Variants in FOXN3 observed in about 807,000 individuals in gnomAD.
The protein encoded by FOXN3 is forkhead box N3.
In FOXN3, 7 loss-of-function variants were observed where a neutral mutation model predicts 38.4. The observed-to-expected ratio is 0.18, with a 90% CI of 0.10 to 0.34. The LOEUF is 0.34. Among genes scored for constraint, FOXN3 ranks in the 10% least tolerant of loss-of-function variants. FOXN3 has a pLI of 1.00. For synonymous variants in FOXN3, 230 were observed against 242.2 expected (o/e 0.95, Z 0.47); for missense variants, 456 against 613.4 (o/e 0.74, Z 2.71).
Position 89,163,038 on chromosome 14 carries a change from G to A in FOXN3, c.852-69C>T. ...GACACAGTTAGACGTCCTCAGATGG[G>A]GGCACCCGGCAGCCCGCCTGCATTC... On this transcript the variant is annotated intron_variant, in intron 5 of 5. Transcript: ENST00000557258. The surrounding 1 kb of genome is among the most constrained non-coding windows in gnomAD (Gnocchi z 4.3). The A allele has an allele frequency of 4.3e-6, 6 of 1,402,796 alleles. No homozygotes were observed. Among genetic ancestry groups the A allele is most frequent in the Non-Finnish European group, 4.7e-6 (5 of 1,065,646 alleles). The allele number at this position is 1,402,796 out of a possible 1,614,324, so 86.9% of individuals were successfully genotyped here. A position where few individuals can be genotyped will look rare whatever the true frequency, so the allele number is the denominator to read the frequency against.
At chr14:89,501,762 C>T (rs1385097898) in intron 1 of FOXN3, among the ~76,000 whole-genome samples, 1 of 152,118 alleles carries the variant, frequency 6.6e-6, no homozygotes, top group Non-Finnish European at 1.5e-5. Context: ...GCAGGAGAAT[C>T]GCTTGAACCT....
At chr14:89,235,777 G>A (rs371370157) in intron 4 of FOXN3, among the ~76,000 whole-genome samples, 3 of 152,208 alleles carry the variant, frequency 2.0e-5, no homozygotes, top group African/African-American at 7.2e-5. Flanking sequence ...TGAAGATGGA[G>A]GATGGGGCCA....
chr14:89,598,596 T>C (rs1896102575), intron 1 of FOXN3, among the ~76,000 whole-genome samples: 1 of 152,194 alleles, frequency 6.6e-6, no homozygotes, highest in African/African-American at 2.4e-5. Context: ...CATGATAAGT[T>C]TTTAATATCT....
intron 1 of FOXN3, among the ~76,000 whole-genome samples, chr14:89,590,549 A>C (rs1398201731): frequency 3.3e-5 from 5 of 152,188 alleles, no homozygotes; most frequent in Non-Finnish European, 7.3e-5. Flanking sequence ...GTGGGAATTT[A>C]GTTAGACTAG....
At chr14:89,422,548 C>A (rs1490639015) in intron 1 of FOXN3, among the ~76,000 whole-genome samples, 1 of 152,188 alleles carries the variant, frequency 6.6e-6, no homozygotes, top group African/African-American at 2.4e-5. Context: ...GACTAAGAGT[C>A]TCTTTGAGAT....
At chr14:89,363,437 C>T (rs1226927572) in intron 2 of FOXN3, among the ~76,000 whole-genome samples, 1 of 152,242 alleles carries the variant, frequency 6.6e-6, no homozygotes, top group African/African-American at 2.4e-5. Context: ...TGGAAAGAAT[C>T]CCCACATGTA....
chr14:89,328,442 G>A (rs1274550482), intron 3 of FOXN3, among the ~76,000 whole-genome samples: 2 of 151,726 alleles, frequency 1.3e-5, no homozygotes, highest in East Asian at 3.9e-4. Flanking sequence ...TGGGTAAAGA[G>A]ACATTCCCAA....
chr14:89,338,744 G>A (rs1233903268), intron 3 of FOXN3, among the ~76,000 whole-genome samples: 5 of 152,158 alleles, frequency 3.3e-5, no homozygotes, highest in Non-Finnish European at 7.3e-5. Flanking sequence ...GCATGGAGGA[G>A]GCTGCAGTGA....
chr14:89,576,512 C>T (rs1895622453), intron 1 of FOXN3: 1 of 148,080 alleles, frequency 6.8e-6, no homozygotes, highest in Non-Finnish European at 1.5e-5. Flanking sequence ...AAATGTATCA[C>T]CTTTGTCAGA....
intron 3 of FOXN3, among the ~76,000 whole-genome samples, chr14:89,324,112 C>A (rs1887974176): frequency 1.3e-5 from 2 of 152,170 alleles, no homozygotes; most frequent in Non-Finnish European, 2.9e-5. Context: ...TGAAAAGTAT[C>A]CACCAAAATA....
At chr14:89,540,387 A>AT (rs1196371703) in intron 1 of FOXN3, among the ~76,000 whole-genome samples, 6 of 152,244 alleles carry the variant, frequency 3.9e-5, no homozygotes, top group South Asian at 2.1e-4. Context: ...GTTTGATAGC[A>AT]TTTTTTTAAA....
At chr14:89,584,998 G>A (rs1205647920) in intron 1 of FOXN3, among the ~76,000 whole-genome samples, 1 of 152,190 alleles carries the variant, frequency 6.6e-6, no homozygotes, top group Non-Finnish European at 1.5e-5. Flanking sequence ...TTACAGGCGT[G>A]AGCCACCGTG....
intron 1 of FOXN3, among the ~76,000 whole-genome samples, chr14:89,507,808 C>G (rs1222361912): frequency 6.6e-6 from 1 of 151,610 alleles, no homozygotes; most frequent in African/African-American, 2.4e-5. Context: ...AAAAGGCACA[C>G]TAGTATGTAG....
intron 2 of FOXN3, among the ~76,000 whole-genome samples, chr14:89,362,171 GCACCACCTCCAC>G (rs1596223266): frequency 1.2e-4 from 1 of 8,308 alleles, no homozygotes; most frequent in South Asian, 8.5e-3. Context: ...ACCACCTCCA[GCACCACCTCCAC>G]CACCACCTCC....
intron 1 of FOXN3, among the ~76,000 whole-genome samples, chr14:89,505,449 AT>A (rs1323910400): frequency 6.6e-6 from 1 of 151,806 alleles, no homozygotes; most frequent in African/African-American, 2.4e-5. Context: ...TGGTTTTCGT[AT>A]TTTTTTGGTG....
In FOXN3 at chr14:89,333,966, GTA is replaced by G. The variant is rs71130055; in HGVS notation, c.680+16704_680+16705del. ...TAAATTAATGAAGAAAATGTGGTGT[GTA>G]TATATATATATATATATATATATAT... On this transcript the variant is annotated intron_variant, in intron 3 of 5. Coordinates refer to ENST00000557258, the MANE Select transcript of FOXN3 (RefSeq NM_005197.4). Among the ~76,000 whole-genome samples the G allele has an allele frequency of 8.0e-3, 1,047 of 131,494 alleles. 39 individuals are homozygous for G. Among genetic ancestry groups the G allele is most frequent in the African/African-American group, 0.028 (944 of 34,206 alleles). The allele number at this position is 131,494 out of a possible 152,430, so 86.3% of individuals were successfully genotyped here.
intron 1 of FOXN3, among the ~76,000 whole-genome samples, chr14:89,570,868 C>T (rs1004003000): frequency 1.2e-4 from 19 of 152,092 alleles, no homozygotes; most frequent in Non-Finnish European, 1.0e-4. Context: ...ACCATGGTAG[C>T]GATGCCCCAT....
At chr14:89,550,990 A>C (rs922581926) in intron 1 of FOXN3, among the ~76,000 whole-genome samples, 2 of 152,222 alleles carry the variant, frequency 1.3e-5, no homozygotes, top group Non-Finnish European at 2.9e-5. Flanking sequence ...GGACGCACAC[A>C]CGAATGTTTC....
At chr14:89,398,271 C>T (rs1009986219) in intron 2 of FOXN3, among the ~76,000 whole-genome samples, 2 of 152,222 alleles carry the variant, frequency 1.3e-5, no homozygotes, top group East Asian at 1.9e-4. Flanking sequence ...TTGAAAATAA[C>T]GCAATGATGC....
Sources: gnomAD v4.1 joint callset for allele counts (sites outside exome capture counted in the v4.1 genomes callset) on GRCh38, gnomAD v4.1.1 for gene constraint, Gnocchi (gnomAD v3.1) non-coding constraint, MANE v1.5 for transcripts, NCBI Gene and HGNC (gene_info 2026-07-23, HGNC 2026-07-21) for gene names.